PDZRN4: variants seen among roughly 807,000 people sequenced by gnomAD.
PDZRN4 encodes PDZ domain containing ring finger 4, also known as PDZ domain-containing RING finger protein 4.
A neutral mutation model predicts 99.0 loss-of-function variants in PDZRN4; 70 were observed. The observed-to-expected ratio is 0.71, with a 90% CI of 0.58 to 0.86. The LOEUF (loss-of-function observed/expected upper bound fraction) is 0.86, where lower values mean the gene tolerates loss of function less well. Ranked by LOEUF, PDZRN4 falls within the 40% of genes least tolerant of loss-of-function variation. The probability of loss-of-function intolerance (pLI) is 0.00; values close to 1 mark genes in which losing one functional copy is unlikely to be tolerated. For synonymous variants in PDZRN4, 551 were observed against 501.6 expected (o/e 1.10, Z -1.32); for missense variants, 1,474 against 1,331.2 (o/e 1.11, Z -1.67).
intron 3 of PDZRN4, among the ~76,000 whole-genome samples, chr12:41,384,889 C>T (rs1026100972): frequency 5.3e-5 from 8 of 152,156 alleles, no homozygotes; most frequent in African/African-American, 1.7e-4. Context: ...CACTTGGAAT[C>T]CTGCCTGGTA....
chr12:41,426,978 A>G (rs1321799548), intron 3 of PDZRN4, among the ~76,000 whole-genome samples: 3 of 152,172 alleles, frequency 2.0e-5, no homozygotes, highest in Non-Finnish European at 4.4e-5. Flanking sequence ...GCTGATTCCT[A>G]CACACACCCC....
At chr12:41,244,465 C>T (rs1199142469) in intron 3 of PDZRN4, among the ~76,000 whole-genome samples, 1 of 151,936 alleles carries the variant, frequency 6.6e-6, no homozygotes, top group Non-Finnish European at 1.5e-5. Context: ...ATCCGAAGTT[C>T]TTTCCTTGGC....
intron 3 of PDZRN4, among the ~76,000 whole-genome samples, chr12:41,331,621 C>T (rs1951741463): frequency 6.6e-6 from 1 of 152,060 alleles, no homozygotes; most frequent in Non-Finnish European, 1.5e-5. Context: ...AAGAATAGAA[C>T]TGTATTAGTC....
At chr12:41,284,437 A>G (rs541409195) in intron 3 of PDZRN4, among the ~76,000 whole-genome samples, 51 of 152,250 alleles carry the variant, frequency 3.3e-4, no homozygotes, top group Non-Finnish European at 8.8e-5. Context: ...TACTGCCCAA[A>G]GTAATTTTGA....
intron 3 of PDZRN4, among the ~76,000 whole-genome samples, chr12:41,281,581 C>A (rs1951386113): frequency 6.6e-6 from 1 of 151,970 alleles, no homozygotes; most frequent in African/African-American, 2.4e-5. Context: ...ACACAAGTAT[C>A]AATAGCCAAA....
chr12:41,334,510 T>A (rs1951761132), intron 3 of PDZRN4, among the ~76,000 whole-genome samples: 1 of 152,034 alleles, frequency 6.6e-6, no homozygotes, highest in African/African-American at 2.4e-5. Context: ...CACCTCCTTA[T>A]CTCCAAATCA....
At position 41,573,747 on chromosome 12, in the gene PDZRN4, C is replaced by T; in HGVS notation, c.2968C>T (p.Leu990=). 27 of 1,613,826 alleles carry T rather than the reference C, an allele frequency of 1.7e-5. No individual in the cohort carries two copies. The highest frequency in any genetic ancestry group is 2.3e-5 in the Non-Finnish European group (27 of 1,179,918). ...CAAGAAGGAGATCAATATCATTGAACTGAGTCACAAAAAGATGATGAAAAA... is the reference window on the plus strand; with the variant it reads ...CAAGAAGGAGATCAATATCATTGAATTGAGTCACAAAAAGATGATGAAAAA... ...EGKKEINIIE[L]SHKKMMKKRN... Residue 990 remains leucine, a synonymous_variant, in exon 10 of 10, where the codon CTG becomes TTG. Transcript: ENST00000402685.
chr12:41,468,437 A>G (rs1592072044), intron 3 of PDZRN4, among the ~76,000 whole-genome samples: 1 of 152,220 alleles, frequency 6.6e-6, no homozygotes, highest in East Asian at 1.9e-4. Flanking sequence ...AACTAAGTGG[A>G]CAATGAAATA....
chr12:41,400,327 G>A (rs1220771364), intron 3 of PDZRN4, among the ~76,000 whole-genome samples: 1 of 152,112 alleles, frequency 6.6e-6, no homozygotes, highest in Admixed American at 6.6e-5. Flanking sequence ...TGGGTAGTCA[G>A]GGAATGATAT....
At chr12:41,442,674 G>A (rs189288472) in intron 3 of PDZRN4, among the ~76,000 whole-genome samples, 3 of 152,276 alleles carry the variant, frequency 2.0e-5, no homozygotes, top group African/African-American at 7.2e-5. Context: ...TGTGCATAAA[G>A]TTGAGGGTTC....
chr12:41,525,951 A>C (rs913609643), intron 5 of PDZRN4, among the ~76,000 whole-genome samples: 1 of 152,100 alleles, frequency 6.6e-6, no homozygotes, highest in South Asian at 2.1e-4. Context: ...TGCCATTTTT[A>C]AAAAATCTCA....
intron 3 of PDZRN4, among the ~76,000 whole-genome samples, chr12:41,495,853 A>C (rs539363055): frequency 6.6e-6 from 1 of 151,954 alleles, no homozygotes; most frequent in South Asian, 2.1e-4. Flanking sequence ...CCTTTCTCCC[A>C]TCTGTGCAGT....
intron 3 of PDZRN4, among the ~76,000 whole-genome samples, chr12:41,414,050 T>A (rs944297385): frequency 2.0e-5 from 3 of 152,088 alleles, no homozygotes; most frequent in African/African-American, 7.2e-5. Context: ...TGAAAAAAAA[T>A]TTATTTCTCC....
intron 3 of PDZRN4, among the ~76,000 whole-genome samples, chr12:41,235,844 A>G (rs867549665): frequency 9.8e-5 from 15 of 152,318 alleles, no homozygotes; most frequent in African/African-American, 3.4e-4. Context: ...TTGTTTAACC[A>G]GCTTGAACAT....
At chr12:41,461,638 A>G (rs1467622645) in intron 3 of PDZRN4, among the ~76,000 whole-genome samples, 1 of 152,126 alleles carries the variant, frequency 6.6e-6, no homozygotes, top group Non-Finnish European at 1.5e-5. Context: ...CAAATATTAA[A>G]ATTTTGGGAT....
intron 5 of PDZRN4, among the ~76,000 whole-genome samples, chr12:41,515,436 TA>T (rs1565603607): frequency 1.3e-5 from 2 of 152,064 alleles, no homozygotes; most frequent in African/African-American, 2.4e-5. Flanking sequence ...AATAATCCAT[TA>T]AAAAAATCAC....
intron 3 of PDZRN4, among the ~76,000 whole-genome samples, chr12:41,423,564 C>T (rs894300037): frequency 6.6e-6 from 1 of 152,140 alleles, no homozygotes; most frequent in African/African-American, 2.4e-5. Flanking sequence ...AAATCCCATA[C>T]CTTTAAACTT....
At position 41,573,504 on chromosome 12, in the gene PDZRN4, C is replaced by A; in HGVS notation, c.2725C>A (p.Arg909=). ...RYITKRPVRD[R]ILKERALKIK... The stretch of plus-strand genomic sequence containing the variant: ...CATCACAAAGAGACCCGTGCGAGAC[C>A]GAATCCTGAAGGAACGTGCCTTAAA... Residue 909 remains arginine (R), a synonymous_variant, in exon 10 of 10, where the codon CGA becomes AGA. Coordinates refer to ENST00000402685, the MANE Select transcript of PDZRN4 (RefSeq NM_001164595.2). 1 of 1,613,816 alleles carries A rather than the reference C, an allele frequency of 6.2e-7. No individual in the cohort carries two copies. The highest frequency in any genetic ancestry group is 8.5e-7 in the Non-Finnish European group (1 of 1,179,978).
intron 3 of PDZRN4, among the ~76,000 whole-genome samples, chr12:41,224,407 T>C (rs1950979520): frequency 6.6e-6 from 1 of 152,196 alleles, no homozygotes; most frequent in Non-Finnish European, 1.5e-5. Context: ...GTCTTGTACA[T>C]TTATTGTATT....
Sources: allele counts gnomAD v4.1 joint callset (sites outside exome capture counted in the v4.1 genomes callset), GRCh38; gene constraint gnomAD v4.1.1; transcripts MANE v1.5; gene names NCBI Gene and HGNC (gene_info 2026-07-23, HGNC 2026-07-21).